SYT16: variants seen among roughly 807,000 people sequenced by gnomAD.
SYT16 encodes the protein synaptotagmin 16.
SYT16 carries 42 observed loss-of-function variants against 61.4 expected under a neutral mutation model. The observed-to-expected ratio is 0.68, with a 90% CI of 0.53 to 0.89. SYT16 has a LOEUF of 0.89. SYT16 is among the 40% of genes least tolerant of loss of function. SYT16 has a pLI of 0.00. For missense variants in SYT16, 804 were observed against 807.3 expected, an observed-to-expected ratio of 1.00 and a Z score of 0.05; for synonymous variants, 314 against 302.3, an observed-to-expected ratio of 1.04 and a Z score of -0.40.
downstream of SYT16, among the ~76,000 whole-genome samples, chr14:62,112,750 G>A (rs571323295): frequency 1.1e-4 from 16 of 152,236 alleles, no homozygotes; most frequent in African/African-American, 3.9e-4. Context: ...TGGTTTCAGG[G>A]TGCTGTAGGC....
chr14:61,946,185 G>C (rs1025426386), intron 1 of SYT16, among the ~76,000 whole-genome samples: 2 of 152,138 alleles, frequency 1.3e-5, no homozygotes, highest in Non-Finnish European at 2.9e-5. Flanking sequence ...TTCTGCACAT[G>C]TATCCCGGAA....
At chr14:61,973,261 A>G (rs940249956) in intron 2 of SYT16, among the ~76,000 whole-genome samples, 2 of 152,194 alleles carry the variant, frequency 1.3e-5, no homozygotes, top group African/African-American at 2.4e-5. Context: ...TACACATGCC[A>G]TTCTGTCTGG....
chr14:61,963,682 C>T (rs148607745), intron 1 of SYT16, among the ~76,000 whole-genome samples: 106 of 152,270 alleles, frequency 7.0e-4, no homozygotes, highest in Admixed American at 1.3e-3. Flanking sequence ...TACCTAAGAT[C>T]AGATCTTCAA....
intron 4 of SYT16, among the ~76,000 whole-genome samples, chr14:62,070,907 A>G (rs926248846): frequency 1.1e-4 from 17 of 152,158 alleles, no homozygotes; most frequent in African/African-American, 3.6e-4. Context: ...AGAAATTGAG[A>G]GAAGATAAAA....
At chr14:61,938,578 G>A (rs2050081987) in intron 1 of SYT16, among the ~76,000 whole-genome samples, 1 of 152,122 alleles carries the variant, frequency 6.6e-6, no homozygotes, top group Non-Finnish European at 1.5e-5. Flanking sequence ...TCCTTTGGGG[G>A]CACAGTGGGA....
At chr14:62,085,603 C>CT (rs1056417383) in intron 7 of SYT16, among the ~76,000 whole-genome samples, 2 of 152,248 alleles carry the variant, frequency 1.3e-5, no homozygotes, top group African/African-American at 4.8e-5. Context: ...GGCTCTCACT[C>CT]TTTTTTTGCC....
At chr14:61,880,644 A>G (rs1204660433) in intron 1 of SYT16, among the ~76,000 whole-genome samples, 1 of 152,146 alleles carries the variant, frequency 6.6e-6, no homozygotes, top group African/African-American at 2.4e-5. Flanking sequence ...TTTCAGCAAA[A>G]TTTCACAATT....
At position 62,069,710 on chromosome 14, in the gene SYT16, G is replaced by A; in HGVS notation, c.631G>A (p.Val211Met). The A allele has an allele frequency of 6.2e-7, 1 of 1,614,008 alleles. No individual in the cohort carries two copies. The highest frequency in any genetic ancestry group is 8.5e-7 in the Non-Finnish European group (1 of 1,179,886). Reference protein sequence around the residue: ...SVSRSQSFRSVTSEKGKQTGL... With the variant: ...SVSRSQSFRSMTSEKGKQTGL... ...GTCCCGGTCCCAGAGTTTCCGTTCA[G>A]TGACATCTGAGAAAGGAAAGCAGAC... Residue 211 changes from valine to methionine, a missense_variant, in exon 4 of 8, where the codon GTG becomes ATG. Val to Met is a conservative substitution (Grantham distance 21). Coordinates refer to ENST00000683842, the MANE Select transcript of SYT16 (RefSeq NM_001367656.1).
chr14:61,929,284 G>A (rs772637719), intron 1 of SYT16, among the ~76,000 whole-genome samples: 2 of 152,170 alleles, frequency 1.3e-5, no homozygotes, highest in Non-Finnish European at 2.9e-5. Flanking sequence ...TGTTGGAGTC[G>A]CTGGAGGTTT....
chr14:61,996,622 A>G, intron 3 of SYT16, 80 bp downstream of exon 3: 1 of 1,487,446 alleles, frequency 6.7e-7, no homozygotes. Flanking sequence ...GTTTTTAGTT[A>G]TCATGTGGAT....
At chr14:62,031,266 A>G (rs1451584866) in intron 3 of SYT16, among the ~76,000 whole-genome samples, 1 of 152,214 alleles carries the variant, frequency 6.6e-6, no homozygotes, top group African/African-American at 2.4e-5. Flanking sequence ...GTTCAGAGAA[A>G]GAGACTTGCC....
chr14:61,875,849 T>G (rs1207598265), intron 1 of SYT16, among the ~76,000 whole-genome samples: 1 of 152,224 alleles, frequency 6.6e-6, no homozygotes, highest in Non-Finnish European at 1.5e-5. Flanking sequence ...GGGGTGCGTA[T>G]GTCTGATTGG....
At chr14:62,079,702 CAA>C (rs990349000) in intron 5 of SYT16, among the ~76,000 whole-genome samples, 1 of 152,136 alleles carries the variant, frequency 6.6e-6, no homozygotes, top group African/African-American at 2.4e-5. Context: ...AGAATCAGAT[CAA>C]AGTTTAGTTA....
intron 1 of SYT16, among the ~76,000 whole-genome samples, chr14:61,951,890 A>G (rs1354019786): frequency 6.6e-6 from 1 of 152,128 alleles, no homozygotes; most frequent in African/African-American, 2.4e-5. Flanking sequence ...CCTAGGCTCA[A>G]GTGATCCTCC....
chr14:61,918,609 A>G (rs1401515048), intron 1 of SYT16, among the ~76,000 whole-genome samples: 1 of 152,180 alleles, frequency 6.6e-6, no homozygotes, highest in African/African-American at 2.4e-5. Context: ...CAAGAAAAGC[A>G]TGATGTTTTA....
chr14:62,084,238 G>A lies in SYT16; in HGVS notation c.1477G>A (p.Asp493Asn), dbSNP rs769728139. ...PLSPSAVSHSDSTSSTQSLSH... is the reference protein window; with the variant it reads ...PLSPSAVSHSNSTSSTQSLSH... ...CAGCCCATCTGCGGTTTCTCACAGT[G>A]ATAGTACTTCATCCACGCAGTCGCT... The change falls in exon 7 of 8, where the codon GAT becomes AAT. Residue 493 changes from aspartate to asparagine, a missense_variant. Asp to Asn is a conservative substitution (Grantham distance 23, BLOSUM62 1). Transcript: ENST00000683842. The A allele has an allele frequency of 1.2e-6, 2 of 1,613,932 alleles. No homozygotes were observed. The highest frequency in any genetic ancestry group is 4.5e-5 in the East Asian group (2 of 44,872).
intron 3 of SYT16, among the ~76,000 whole-genome samples, chr14:62,030,649 G>A (rs1250055689): frequency 6.6e-6 from 1 of 152,156 alleles, no homozygotes; most frequent in Non-Finnish European, 1.5e-5. Context: ...TCTGCCATAG[G>A]TATAAAGGTT....
At chr14:61,951,878 C>T (rs1437415309) in intron 1 of SYT16, among the ~76,000 whole-genome samples, 1 of 152,136 alleles carries the variant, frequency 6.6e-6, no homozygotes, top group African/African-American at 2.4e-5. Context: ...CAGCCTCAAC[C>T]TCCTAGGCTC....
chr14:62,010,439 T>C (rs1595146015), intron 3 of SYT16, among the ~76,000 whole-genome samples: 1 of 152,244 alleles, frequency 6.6e-6, no homozygotes, highest in Middle Eastern at 3.4e-3. Context: ...GTGCAAATAT[T>C]TGAGGGAAGA....
Sources: allele counts gnomAD v4.1 joint callset (sites outside exome capture counted in the v4.1 genomes callset), GRCh38; gene constraint gnomAD v4.1.1; transcripts MANE v1.5; gene names NCBI Gene and HGNC (gene_info 2026-07-23, HGNC 2026-07-21).